Variants in TBCEL observed in about 807,000 individuals in gnomAD.
The protein encoded by TBCEL is tubulin folding cofactor E like.
A neutral mutation model predicts 44.2 loss-of-function variants in TBCEL; 15 were observed. The observed-to-expected ratio is 0.34, with a 90% CI of 0.23 to 0.52. The LOEUF (loss-of-function observed/expected upper bound fraction) is 0.52. Ranked by LOEUF, TBCEL falls within the 20% of genes least tolerant of loss-of-function variation. The pLI, the probability that TBCEL is intolerant of heterozygous loss-of-function variation, is 0.95. For missense variants in TBCEL, 319 were observed against 506.3 expected, an observed-to-expected ratio of 0.63 and a Z score of 3.55; for synonymous variants, 171 against 185.4, an observed-to-expected ratio of 0.92 and a Z score of 0.63.
At chr11:121,039,557 G>T in intron 2 of TBCEL, among the ~76,000 whole-genome samples, 1 of 152,274 alleles carries the variant, frequency 6.6e-6, no homozygotes, top group Middle Eastern at 3.4e-3. Context: ...CTCTATGAAG[G>T]CACATATTTT....
chr11:121,046,934 A>T (rs1404762167), intron 3 of TBCEL, among the ~76,000 whole-genome samples: 1 of 152,094 alleles, frequency 6.6e-6, no homozygotes, highest in Admixed American at 6.6e-5. Context: ...TTCTGTAGGG[A>T]TATGAAATGG....
At chr11:121,069,420 A>G (rs1945883057) in intron 8 of TBCEL, among the ~76,000 whole-genome samples, 1 of 152,244 alleles carries the variant, frequency 6.6e-6, no homozygotes, top group African/African-American at 2.4e-5. Flanking sequence ...ATGTGAGTAC[A>G]TGGGAAGTAA....
intron 8 of TBCEL, among the ~76,000 whole-genome samples, chr11:121,077,005 GT>G (rs1487693174): frequency 6.6e-6 from 1 of 151,880 alleles, no homozygotes; most frequent in Non-Finnish European, 1.5e-5. Context: ...ATCCCACTTG[GT>G]TATGATGTAG....
chr11:121,069,705 T>G (rs920918778), intron 8 of TBCEL, among the ~76,000 whole-genome samples: 3 of 151,994 alleles, frequency 2.0e-5, no homozygotes, highest in Non-Finnish European at 4.4e-5. Context: ...GGCAGGATAA[T>G]CACTTGAACC....
chr11:121,083,422 G>A (rs192956983), intron 8 of TBCEL, among the ~76,000 whole-genome samples: 251 of 152,284 alleles, frequency 1.6e-3, no homozygotes, highest in Middle Eastern at 3.4e-3. Context: ...ACTGAGATAC[G>A]AAAGACTAGA....
At chr11:121,040,931 G>A (rs113856377) in intron 2 of TBCEL, among the ~76,000 whole-genome samples, 4 of 152,054 alleles carry the variant, frequency 2.6e-5, no homozygotes, top group African/African-American at 9.6e-5. Flanking sequence ...TTATCCTTCC[G>A]GAGATAGTCT....
intron 5 of TBCEL, chr11:121,054,815 C>T (rs1945591268): frequency 5.8e-6 from 2 of 346,238 alleles, no homozygotes; most frequent in Non-Finnish European, 5.1e-6. Context: ...ATTATTTAAG[C>T]ACAAAAGTAA....
intron 1 of TBCEL, chr11:121,035,665 G>C (rs1945218993): frequency 6.6e-6 from 1 of 152,108 alleles, no homozygotes; most frequent in East Asian, 1.9e-4. Context: ...CTGCTCAAGA[G>C]CACAGATAAT....
intron 8 of TBCEL, 81 bp downstream of exon 8, chr11:121,060,166 C>A (rs150919365): frequency 4.2e-6 from 4 of 943,206 alleles, no homozygotes; most frequent in Non-Finnish European, 6.7e-6. Flanking sequence ...AAAATCTAAT[C>A]ATTTGTTATT....
chr11:121,059,287 A>C (rs549303335), intron 7 of TBCEL, among the ~76,000 whole-genome samples: 4 of 152,004 alleles, frequency 2.6e-5, no homozygotes, highest in Non-Finnish European at 4.4e-5. Context: ...TCTTTGAAGA[A>C]TACGTCTTGC....
At chr11:121,080,618 G>A (rs529249047) in intron 8 of TBCEL, among the ~76,000 whole-genome samples, 29 of 152,252 alleles carry the variant, frequency 1.9e-4, no homozygotes, top group East Asian at 7.7e-4. Flanking sequence ...AGTTAGGATC[G>A]TTTATAAGGC....
At chr11:121,046,637 G>A (rs1945434928) in intron 3 of TBCEL, among the ~76,000 whole-genome samples, 1 of 151,906 alleles carries the variant, frequency 6.6e-6, no homozygotes, top group Non-Finnish European at 1.5e-5. Flanking sequence ...GTTGCTGAAA[G>A]TAGCAAGTTG....
rs1945527015 is a variant in TBCEL, at chr11:121,051,443, T to G, written c.274-2108T>G. Among the ~76,000 whole-genome samples, 5 of 149,992 alleles carry G rather than the reference T, an allele frequency of 3.3e-5. No individual in the cohort carries two copies. The South Asian group carries it at 1.0e-3, about 31-fold the overall frequency. ...CTTCGTGCTTTAGTTGGAGCATAAT[T>G]CCTGTCCCCCTCCAACCTCCACAAA... On this transcript the variant is annotated intron_variant, in intron 4 of 8. Coordinates refer to ENST00000683345, the MANE Select transcript of TBCEL (RefSeq NM_001363644.2).
chr11:121,042,405 A>G (rs1945350374), intron 2 of TBCEL, among the ~76,000 whole-genome samples: 1 of 152,158 alleles, frequency 6.6e-6, no homozygotes, highest in Non-Finnish European at 1.5e-5. Flanking sequence ...TTGAAAAAGA[A>G]CTTTTCAACC....
rs2134895852 is a variant in TBCEL, at chr11:121,037,655, A to G, written c.-18+1043A>G. On this transcript the variant is annotated intron_variant, in intron 2 of 8. Coordinates refer to ENST00000683345, the MANE Select transcript of TBCEL (RefSeq NM_001363644.2). Reference sequence around the variant, plus strand: ...AAAATTTTTCATGGACTATTTAGCAAAAAGGCAGGTTATAAAACTATATAT... The same window carrying G: ...AAAATTTTTCATGGACTATTTAGCAGAAAGGCAGGTTATAAAACTATATAT... Among the ~76,000 whole-genome samples the G allele has an allele frequency of 1.3e-5, 2 of 152,348 alleles. 1 individual carries two copies. Among genetic ancestry groups the G allele is most frequent in the South Asian group, 4.1e-4 (2 of 4,822 alleles).
At chr11:121,071,662 T>C (rs113465788) in intron 8 of TBCEL, among the ~76,000 whole-genome samples, 1 of 152,302 alleles carries the variant, frequency 6.6e-6, no homozygotes, top group African/African-American at 2.4e-5. Context: ...AAATGCTGAT[T>C]TGATTGTCAT....
rs1317537025 is a variant in TBCEL, at chr11:121,087,256, G to A, written c.*160G>A. ...TATTTTTCCCCCTGGAGTGAGTAGGGGCCATTTTTGGGTGTTTTCTACCAC... is the reference window on the plus strand; with the variant it reads ...TATTTTTCCCCCTGGAGTGAGTAGGAGCCATTTTTGGGTGTTTTCTACCAC... On this transcript the variant is annotated 3_prime_UTR_variant, in exon 9 of 9. Transcript: ENST00000683345. 1.3e-5 allele frequency: 9 copies of A among 714,072 alleles called. No individual in the cohort carries two copies. The East Asian group carries it at 2.2e-4, about 18-fold the overall frequency. The allele number at this position is 714,072 out of a possible 1,614,324, so 44.2% of individuals were successfully genotyped here.
chr11:121,029,856 C>T (rs1343840474), intron 1 of TBCEL, among the ~76,000 whole-genome samples: 2 of 152,174 alleles, frequency 1.3e-5, no homozygotes, highest in African/African-American at 2.4e-5. Context: ...TAATGAAATT[C>T]ACTTTTCCAT....
chr11:121,059,901 T>C (rs1945688466), intron 7 of TBCEL, 68 bp from the exon 8 acceptor site: 1 of 1,104,508 alleles, frequency 9.1e-7, no homozygotes. Flanking sequence ...ACAAGCCAAT[T>C]AGTTTCTTTC....
Sources: allele counts gnomAD v4.1 joint callset (sites outside exome capture counted in the v4.1 genomes callset), GRCh38; gene constraint gnomAD v4.1.1; transcripts MANE v1.5; gene names NCBI Gene and HGNC (gene_info 2026-07-23, HGNC 2026-07-21).